UBE2E2: variants seen among roughly 807,000 people sequenced by gnomAD.
UBE2E2 encodes ubiquitin-conjugating enzyme E2 E2.
In UBE2E2, 6 loss-of-function variants were observed where a neutral mutation model predicts 24.7. That is an observed-to-expected ratio of 0.24 (90% CI 0.13 to 0.48). The LOEUF is 0.48. UBE2E2 is among the 20% of genes least tolerant of loss of function. The pLI is 0.99. For missense variants in UBE2E2, 169 were observed against 245.0 expected (o/e 0.69, Z 2.07); for synonymous variants, 104 against 83.6 (o/e 1.24, Z -1.33).
At chr3:23,556,855 T>C (rs879508970) in intron 5 of UBE2E2, among the ~76,000 whole-genome samples, 2 of 152,218 alleles carry the variant, frequency 1.3e-5, no homozygotes, top group Admixed American at 6.6e-5. Flanking sequence ...ATGGAATTGG[T>C]ATGTCCTGTA....
rs1035456515 is a variant in UBE2E2 at position 23,450,004 on chromosome 3, G to T, written c.228-49604G>T. The T allele has an allele frequency of 1.0e-5, 9 of 863,278 alleles. No homozygotes were observed. The South Asian group carries it at 4.2e-4, about 40-fold the overall frequency. The allele number at this position is 863,278 out of a possible 1,614,324, so 53.5% of individuals were successfully genotyped here. A position where few individuals can be genotyped will look rare whatever the true frequency, so the allele number is the denominator to read the frequency against. ...ACCCTGCCACGTGAGTACAGCAATG[G>T]CTTTGAGGACCTCAGCAATTTTTTC... On this transcript the variant is annotated intron_variant, in intron 3 of 5. Transcript: ENST00000396703.
At chr3:23,256,651 A>C (rs1446062479) in intron 3 of UBE2E2, among the ~76,000 whole-genome samples, 1 of 152,208 alleles carries the variant, frequency 6.6e-6, no homozygotes. Flanking sequence ...TATTTTCATA[A>C]TTCTTAAGAC....
At chr3:23,273,540 A>C (rs960895333) in intron 3 of UBE2E2, among the ~76,000 whole-genome samples, 3,360 of 152,030 alleles carry the variant, frequency 0.022, 51 homozygotes, top group Non-Finnish European at 0.034. Flanking sequence ...CAAAAAAAAA[A>C]AAAAGAGAGA....
intron 4 of UBE2E2, among the ~76,000 whole-genome samples, chr3:23,526,336 C>T (rs189335721): frequency 3.9e-5 from 6 of 152,258 alleles, no homozygotes; most frequent in East Asian, 3.9e-4. Flanking sequence ...AGATCTTCTC[C>T]TTCCTCAGGA....
At chr3:23,549,701 T>C (rs1695600497) in intron 5 of UBE2E2, among the ~76,000 whole-genome samples, 1 of 151,886 alleles carries the variant, frequency 6.6e-6, no homozygotes, top group Non-Finnish European at 1.5e-5. Flanking sequence ...CCATATTAGC[T>C]GTGTTAGGTG....
In UBE2E2 at chr3:23,335,095, G is replaced by A. The variant is rs185783403; in HGVS notation, c.227+117783G>A. Among the ~76,000 whole-genome samples the A allele has an allele frequency of 4.7e-3, 712 of 152,196 alleles. 5 individuals are homozygous for A. The highest frequency in any genetic ancestry group is 0.017 in the African/African-American group (688 of 41,524). ...ATTTTCCAGTTGTATAGATTTCCAGGCATCTTAATTCTTCTTTTGCTGTGC... is the reference window on the plus strand; with the variant it reads ...ATTTTCCAGTTGTATAGATTTCCAGACATCTTAATTCTTCTTTTGCTGTGC... On this transcript the variant is annotated intron_variant, in intron 3 of 5. Transcript: ENST00000396703.
At chr3:23,496,297 A>G (rs1699600688) in intron 3 of UBE2E2, among the ~76,000 whole-genome samples, 1 of 152,168 alleles carries the variant, frequency 6.6e-6, no homozygotes, top group Non-Finnish European at 1.5e-5. Context: ...AACACATGGT[A>G]GGTGAGAAAA....
At chr3:23,265,818 A>T (rs1698032861) in intron 3 of UBE2E2, among the ~76,000 whole-genome samples, 2 of 152,118 alleles carry the variant, frequency 1.3e-5, no homozygotes, top group African/African-American at 4.8e-5. Context: ...TGCTTTATGA[A>T]TCTGGGTGCT....
At chr3:23,269,029 T>TTACACCTTA (rs1457273667) in intron 3 of UBE2E2, among the ~76,000 whole-genome samples, 3 of 151,808 alleles carry the variant, frequency 2.0e-5, no homozygotes, top group Non-Finnish European at 2.9e-5. Flanking sequence ...GATCCCTTCC[T>TTACACCTTA]TACACCTTAT....
intron 4 of UBE2E2, among the ~76,000 whole-genome samples, chr3:23,527,820 C>G (rs1300870206): frequency 6.6e-6 from 1 of 151,932 alleles, no homozygotes; most frequent in Non-Finnish European, 1.5e-5. Flanking sequence ...ACCACCCCCA[C>G]CACCCCACCC....
intron 2 of UBE2E2, among the ~76,000 whole-genome samples, chr3:23,214,060 A>T (rs1050487431): frequency 9.2e-5 from 14 of 152,312 alleles, no homozygotes; most frequent in Admixed American, 7.2e-4. Context: ...AGCAATTCTT[A>T]GTATAATCTT....
chr3:23,460,600 T>C (rs927822834), intron 3 of UBE2E2, among the ~76,000 whole-genome samples: 1 of 152,104 alleles, frequency 6.6e-6, no homozygotes, highest in Non-Finnish European at 1.5e-5. Flanking sequence ...AAGTGGAAAG[T>C]TATGCATTCA....
intron 3 of UBE2E2, among the ~76,000 whole-genome samples, chr3:23,305,854 CA>C (rs1559341521): frequency 6.6e-6 from 1 of 152,130 alleles, no homozygotes; most frequent in Non-Finnish European, 1.5e-5. Context: ...CTTAGCTTCC[CA>C]AAGTGCTGAG....
rs566941253 is a variant in UBE2E2 at position 23,407,592 on chromosome 3, T to C, written c.228-92016T>C. On this transcript the variant is annotated intron_variant, in intron 3 of 5. Transcript: ENST00000396703. The surrounding 1 kb of genome is among the most constrained non-coding windows in gnomAD (Gnocchi z 4.0). ...GCCCCTCCCTCTACTTTTTATGGTTTGTATGTTTGTTTTGGGAGGAGTGCA... is the reference window on the plus strand; with the variant it reads ...GCCCCTCCCTCTACTTTTTATGGTTCGTATGTTTGTTTTGGGAGGAGTGCA... Among the ~76,000 whole-genome samples the C allele has an allele frequency of 2.0e-5, 3 of 151,866 alleles. No individual in the cohort carries two copies. The highest frequency in any genetic ancestry group is 2.9e-5 in the Non-Finnish European group (2 of 67,974).
intron 3 of UBE2E2, among the ~76,000 whole-genome samples, chr3:23,446,586 A>G (rs1044566994): frequency 1.2e-4 from 19 of 152,108 alleles, no homozygotes; most frequent in African/African-American, 4.6e-4. Context: ...CTGAGAAGAA[A>G]GCATTCACCA....
chr3:23,287,425 A>C (rs755444157), intron 3 of UBE2E2, among the ~76,000 whole-genome samples: 1 of 152,166 alleles, frequency 6.6e-6, no homozygotes, highest in Non-Finnish European at 1.5e-5. Context: ...CATCAGGGTG[A>C]TAATGGCCTC....
intron 3 of UBE2E2, among the ~76,000 whole-genome samples, chr3:23,440,825 C>T (rs1294933277): frequency 3.9e-5 from 6 of 152,108 alleles, no homozygotes; most frequent in African/African-American, 1.4e-4. Context: ...TCATTTCCTG[C>T]CAGTTTGTCC....
intron 1 of UBE2E2, among the ~76,000 whole-genome samples, chr3:23,208,199 A>G (rs182189939): frequency 3.7e-4 from 57 of 152,174 alleles, no homozygotes; most frequent in Admixed American, 7.2e-4. Flanking sequence ...CGTGAGGTTC[A>G]CTACTGAATT....
chr3:23,236,363 C>T (rs1186702607), intron 3 of UBE2E2, among the ~76,000 whole-genome samples: 1 of 152,012 alleles, frequency 6.6e-6, no homozygotes, highest in African/African-American at 2.4e-5. Flanking sequence ...CCTACTCAAC[C>T]AGACTCCATA....
Sources: allele counts gnomAD v4.1 joint callset (sites outside exome capture counted in the v4.1 genomes callset), GRCh38; gene constraint gnomAD v4.1.1; non-coding constraint Gnocchi (gnomAD v3.1); transcripts MANE v1.5; gene names NCBI Gene and HGNC (gene_info 2026-07-23, HGNC 2026-07-21).